Variants in CDH23 observed in about 807,000 individuals in gnomAD.
The protein encoded by CDH23 is cadherin related 23, also known as cadherin-23.
A neutral mutation model predicts 317.1 loss-of-function variants in CDH23; 189 were observed. The ratio of observed to expected loss-of-function variants is 0.60; its 90% CI spans 0.53 to 0.67. CDH23 has a LOEUF of 0.67. Ranked by LOEUF, CDH23 falls within the 30% of genes least tolerant of loss-of-function variation. The pLI is 0.00. For synonymous variants in CDH23, 1,839 were observed against 1,876.8 expected, an observed-to-expected ratio of 0.98 and a Z score of 0.52; for missense variants, 4,401 against 4,592.4, an observed-to-expected ratio of 0.96 and a Z score of 1.20.
intron 48 of CDH23, chr10:71,794,455 A>G (rs1412647692): frequency 6.6e-6 from 1 of 152,252 alleles, no homozygotes; most frequent in African/African-American, 2.4e-5. Flanking sequence ...CTTATCTTTC[A>G]CAATGTATGT....
At position 71,785,069 on chromosome 10, in the gene CDH23, A is replaced by C. The variant is rs759398240; in HGVS notation, c.5681A>C (p.Asn1894Thr). 17 of 1,613,946 alleles carry C rather than the reference A, an allele frequency of 1.1e-5. No individual in the cohort carries two copies. Among genetic ancestry groups the C allele is most frequent in the African/African-American group, 1.3e-5 (1 of 74,952 alleles). The change falls in exon 43 of 70, where the codon AAC (asparagine) becomes ACC (threonine). Residue 1894 changes from asparagine to threonine, a missense_variant. Physicochemically the swap from Asn to Thr is moderately conservative, Grantham distance 65. Around this residue, in one of 3 missense-constraint regions of CDH23, gnomAD observed 3,068 missense variants for 3,203.3 expected, o/e 0.96. Coordinates refer to ENST00000224721, the MANE Select transcript of CDH23 (RefSeq NM_022124.6). ...ARLTFNITAG[N>T]RERAFFINAT... ...CTCACCTTCAACATCACTGCGGGCA[A>C]CCGCGAGCGGGCCTTCTTCATCAAT...
At chr10:71,694,992 A>G (rs1183212919) in intron 21 of CDH23, among the ~76,000 whole-genome samples, 2 of 152,196 alleles carry the variant, frequency 1.3e-5, no homozygotes, top group East Asian at 1.9e-4. Flanking sequence ...GGAGGCTCCT[A>G]CTAATAGGAA....
At chr10:71,755,361 C>T (rs752922320) in intron 38 of CDH23, 37 of 1,605,186 alleles carry the variant, frequency 2.3e-5, no homozygotes, top group African/African-American at 4.0e-5. Flanking sequence ...ATACTCACGG[C>T]GGTTGGAGGC....
At chr10:71,767,562 A>AGGCTGG (rs1189816369) in intron 38 of CDH23, among the ~76,000 whole-genome samples, 2 of 152,192 alleles carry the variant, frequency 1.3e-5, no homozygotes, top group Non-Finnish European at 2.9e-5. Context: ...GATGGTCCAC[A>AGGCTGG]GGCTGGGGCT....
chr10:71,814,679 G>GACAC (rs1182641381), intron 69 of CDH23, among the ~76,000 whole-genome samples: 2 of 38,374 alleles, frequency 5.2e-5, no homozygotes, highest in Non-Finnish European at 1.1e-4. Flanking sequence ...ACAAGAAGCC[G>GACAC]ATACACACAC....
intron 6 of CDH23, among the ~76,000 whole-genome samples, chr10:71,525,549 C>T (rs1367234633): frequency 6.6e-6 from 1 of 152,140 alleles, no homozygotes; most frequent in Non-Finnish European, 1.5e-5. Flanking sequence ...GGGTAGCTGG[C>T]TGGGAAGAGG....
intron 3 of CDH23, among the ~76,000 whole-genome samples, chr10:71,483,013 C>G (rs1852151731): frequency 1.3e-5 from 2 of 152,246 alleles, no homozygotes; most frequent in African/African-American, 4.8e-5. Flanking sequence ...GTGCAGTCAA[C>G]AGCATCTTCA....
rs1056273087 is a variant in CDH23, at chr10:71,777,677, C to T, written c.4846-3C>T. 46 of 1,607,064 alleles carry T rather than the reference C, an allele frequency of 2.9e-5. No individual in the cohort carries two copies. The highest frequency in any genetic ancestry group is 3.7e-5 in the Non-Finnish European group (44 of 1,177,064). On this transcript the variant is annotated splice_region_variant and splice_polypyrimidine_tract_variant and intron_variant, in intron 38 of 69. Coordinates refer to ENST00000224721, the MANE Select transcript of CDH23 (RefSeq NM_022124.6). ...CAAGGACGTGACCCACTCTTTTCCA[C>T]AGGCCACCACGCACGTGTACGTGAC...
At chr10:71,796,370 A>T (rs556884603) in intron 48 of CDH23, among the ~76,000 whole-genome samples, 2 of 152,308 alleles carry the variant, frequency 1.3e-5, no homozygotes, top group East Asian at 3.9e-4. Context: ...TCTGGGAGGC[A>T]GTGGGTAGAA....
chr10:71,588,433 G>A (rs766292828), intron 9 of CDH23, among the ~76,000 whole-genome samples: 10 of 152,160 alleles, frequency 6.6e-5, no homozygotes, highest in South Asian at 4.1e-4. Flanking sequence ...TATTTTAAGC[G>A]TCAGATGAGT....
At chr10:71,612,238 G>GTGTA (rs1860944036) in intron 9 of CDH23, among the ~76,000 whole-genome samples, 1 of 151,590 alleles carries the variant, frequency 6.6e-6, no homozygotes, top group African/African-American at 2.4e-5. Context: ...GTGTGTGTGT[G>GTGTA]TGTGTGTGTG....
chr10:71,511,229 T>C lies in CDH23; in HGVS notation c.429+17T>C. ...ATCCCTGAGGTAGGAGCCACTGGGGTTACCCTTGAGGGTATCAGAGACCTG... is the reference window on the plus strand; with the variant it reads ...ATCCCTGAGGTAGGAGCCACTGGGGCTACCCTTGAGGGTATCAGAGACCTG... On this transcript the variant is annotated intron_variant, in intron 6 of 69. Coordinates refer to ENST00000224721, the MANE Select transcript of CDH23 (RefSeq NM_022124.6). The C allele has an allele frequency of 6.2e-7, 1 of 1,608,428 alleles. No individual in the cohort carries two copies. The highest frequency in any genetic ancestry group is 8.5e-7 in the Non-Finnish European group (1 of 1,175,132).
chr10:71,489,430 A>G (rs11592594), intron 3 of CDH23, among the ~76,000 whole-genome samples: 2 of 151,978 alleles, frequency 1.3e-5, no homozygotes, highest in Non-Finnish European at 2.9e-5. Flanking sequence ...CCCTTTAAAA[A>G]TTTTCCTTGG....
At chr10:71,589,476 T>C (rs1859318700) in intron 9 of CDH23, among the ~76,000 whole-genome samples, 1 of 152,228 alleles carries the variant, frequency 6.6e-6, no homozygotes, top group Non-Finnish European at 1.5e-5. Flanking sequence ...AGCTTTCTTT[T>C]AGCCAAAATA....
chr10:71,449,640 A>T (rs1015161408), intron 3 of CDH23, among the ~76,000 whole-genome samples: 1 of 152,244 alleles, frequency 6.6e-6, no homozygotes, highest in African/African-American at 2.4e-5. Flanking sequence ...AATTCATTTT[A>T]AAAATTCCTT....
intron 12 of CDH23, 99 bp downstream of exon 12, chr10:71,643,965 C>A: frequency 2.7e-6 from 2 of 735,716 alleles, no homozygotes; most frequent in South Asian, 1.4e-5. Flanking sequence ...AGCCCTCCCC[C>A]ACCCTCTCAG....
At position 71,646,802 on chromosome 10, in the gene CDH23, T is replaced by C. The variant is rs533889933; in HGVS notation, c.1449+185T>C. 7.8e-5 allele frequency: 119 copies of C among 1,529,142 alleles called. 1 individual carries two copies. The East Asian group carries it at 2.7e-3, about 35-fold the overall frequency. The allele number at this position is 1,529,142 out of a possible 1,614,324, so 94.7% of individuals were successfully genotyped here. A position where few individuals can be genotyped will look rare whatever the true frequency, so the allele number is the denominator to read the frequency against. On this transcript the variant is annotated intron_variant, in intron 14 of 69. Transcript: ENST00000224721. ...TCTTCAGGAAGGGGCTCCCTTGACC[T>C]AGGTTGCAATATGGAAAAGGAGCCA...
At chr10:71,475,598 A>G (rs1851751268) in intron 3 of CDH23, among the ~76,000 whole-genome samples, 1 of 152,208 alleles carries the variant, frequency 6.6e-6, no homozygotes, top group Admixed American at 6.5e-5. Context: ...GTCATCCTGT[A>G]TGCCCGCGTG....
chr10:71,760,973 GC>G, intron 38 of CDH23: 3 of 1,583,408 alleles, frequency 1.9e-6, no homozygotes, highest in Non-Finnish European at 2.6e-6. Context: ...GGCCCAGGAG[GC>G]CAGGGAGGCT....
Sources: gnomAD v4.1 joint callset for allele counts (sites outside exome capture counted in the v4.1 genomes callset) on GRCh38, gnomAD v4.1.1 for gene constraint, gnomAD v4.1.1 regional missense constraint, MANE v1.5 for transcripts, NCBI Gene and HGNC (gene_info 2026-07-23, HGNC 2026-07-21) for gene names.